CFAP263: variants seen among roughly 807,000 people sequenced by gnomAD.
CFAP263 encodes cilia and flagella associated protein 263, also known as cilia- and flagella-associated protein 263.
the CFAP263 span, among the ~76,000 whole-genome samples, chr16:58,254,727 C>T: frequency 4.3e-4 from 65 of 151,970 alleles, no homozygotes; most frequent in Non-Finnish European, 7.5e-4. Flanking sequence ...GCCTCAGCCT[C>T]CCTAGTAGCT....
the CFAP263 span, among the ~76,000 whole-genome samples, chr16:58,256,208 C>T: frequency 2.0e-5 from 3 of 152,228 alleles, no homozygotes; most frequent in Non-Finnish European, 4.4e-5. Flanking sequence ...TCTCCCACCC[C>T]TCCTCTCTCT....
At chr16:58,267,981 G>A in the CFAP263 span, among the ~76,000 whole-genome samples, 2 of 151,552 alleles carry the variant, frequency 1.3e-5, no homozygotes, top group African/African-American at 4.9e-5. Context: ...AATGTTTGAT[G>A]TAAAGGAGAG....
At chr16:58,275,219 G>A in the CFAP263 span, among the ~76,000 whole-genome samples, 72 of 151,988 alleles carry the variant, frequency 4.7e-4, no homozygotes, top group African/African-American at 1.7e-3. Context: ...AATTACCTGG[G>A]GATCATGTTA....
chr16:58,265,764 T>C, the CFAP263 span, among the ~76,000 whole-genome samples: 4 of 152,180 alleles, frequency 2.6e-5, no homozygotes, highest in Non-Finnish European at 5.9e-5. Flanking sequence ...ATGCAGTCCT[T>C]TACAGAAGTG....
At chr16:58,265,474 C>A in the CFAP263 span, among the ~76,000 whole-genome samples, 1 of 152,170 alleles carries the variant, frequency 6.6e-6, no homozygotes, top group Non-Finnish European at 1.5e-5. Flanking sequence ...CTGAGAGCGA[C>A]CTCCTGCTGA....
At chr16:58,262,365 T>G in the CFAP263 span, 1 of 1,586,290 alleles carries the variant, frequency 6.3e-7, no homozygotes, top group Non-Finnish European at 8.6e-7. Context: ...CATCTTTTCT[T>G]TCATCTTTCT....
the CFAP263 span, among the ~76,000 whole-genome samples, chr16:58,257,599 ATCT>A: frequency 6.6e-6 from 1 of 151,134 alleles, no homozygotes; most frequent in African/African-American, 2.4e-5. Flanking sequence ...ACTTTATAAT[ATCT>A]TCTTTATTTT....
the CFAP263 span, among the ~76,000 whole-genome samples, chr16:58,276,471 T>C: frequency 6.6e-6 from 1 of 152,214 alleles, no homozygotes; most frequent in Admixed American, 6.5e-5. Flanking sequence ...TTCTTTCTTG[T>C]AGGGGGATGT....
At chr16:58,271,232 G>C in the CFAP263 span, among the ~76,000 whole-genome samples, 1 of 151,996 alleles carries the variant, frequency 6.6e-6, no homozygotes. Context: ...GTAGGTTTTT[G>C]TTAATCTGGG....
At chr16:58,280,011 T>G in the CFAP263 span, 4 of 625,996 alleles carry the variant, frequency 6.4e-6, no homozygotes, top group Non-Finnish European at 1.1e-5. Context: ...TTGACACTTG[T>G]TAGCCAGCAT....
the CFAP263 span, chr16:58,252,778 C>G: frequency 3.7e-6 from 6 of 1,612,840 alleles, no homozygotes; most frequent in Non-Finnish European, 5.1e-6. Flanking sequence ...AGAAATATTA[C>G]GCTAAACTGG....
chr16:58,278,052 T>G, the CFAP263 span, among the ~76,000 whole-genome samples: 1 of 152,210 alleles, frequency 6.6e-6, no homozygotes, highest in Non-Finnish European at 1.5e-5. Flanking sequence ...CAGAACTGTA[T>G]AGTTAAAAAT....
chr16:58,265,264 G>A, the CFAP263 span, among the ~76,000 whole-genome samples: 2 of 152,196 alleles, frequency 1.3e-5, no homozygotes, highest in African/African-American at 4.8e-5. Flanking sequence ...ATACTGTATG[G>A]CACAGTTGAT....
the CFAP263 span, chr16:58,250,348 T>C: frequency 1.1e-5 from 5 of 454,466 alleles, no homozygotes; most frequent in East Asian, 3.9e-5. Flanking sequence ...CAGAGGGTAA[T>C]TGGGGAAGTG....
the CFAP263 span, chr16:58,258,622 A>G: frequency 8.0e-6 from 9 of 1,126,402 alleles, no homozygotes; most frequent in East Asian, 2.4e-5. Context: ...TTGGTCCACC[A>G]TAAATGTTGC....
the CFAP263 span, among the ~76,000 whole-genome samples, chr16:58,272,296 G>A: frequency 2.0e-5 from 3 of 152,100 alleles, no homozygotes; most frequent in Admixed American, 6.6e-5. Context: ...GATTACAAGC[G>A]TGAGCCACCG....
chr16:58,252,586 T>C, the CFAP263 span: 1 of 642,948 alleles, frequency 1.6e-6, no homozygotes, highest in South Asian at 2.0e-5. Flanking sequence ...TTAAGTGCTA[T>C]TCTTAATACC....
the CFAP263 span, chr16:58,252,752 G>T: frequency 1.2e-6 from 2 of 1,613,132 alleles, no homozygotes. Context: ...TCTCAAAACT[G>T]AGACTGAGAT....
the CFAP263 span, among the ~76,000 whole-genome samples, chr16:58,270,768 C>T: frequency 1.3e-5 from 2 of 151,944 alleles, no homozygotes; most frequent in African/African-American, 4.8e-5. Context: ...GTTTTATAAT[C>T]GATTTTGAGT....
Sources: gnomAD v4.1 joint callset for allele counts (sites outside exome capture counted in the v4.1 genomes callset) on GRCh38, gnomAD v4.1.1 for gene constraint, MANE v1.5 for transcripts, NCBI Gene and HGNC (gene_info 2026-07-23, HGNC 2026-07-21) for gene names.